The following KCNIP4 variants were observed in gnomAD, a reference collection of about 807,000 sequenced individuals.
The protein encoded by KCNIP4 is Kv channel-interacting protein 4.
A neutral mutation model predicts 34.0 loss-of-function variants in KCNIP4; 12 were observed. The ratio of observed to expected loss-of-function variants is 0.35; its 90% CI spans 0.23 to 0.57. KCNIP4 has a LOEUF of 0.57. Ranked by LOEUF, KCNIP4 falls within the 20% of genes least tolerant of loss-of-function variation. The pLI, the probability that KCNIP4 is intolerant of heterozygous loss-of-function variation, is 0.83. For synonymous variants in KCNIP4, 124 were observed against 102.2 expected (o/e 1.21, Z -1.29); for missense variants, 238 against 311.7 (o/e 0.76, Z 1.78).
At chr4:20,811,309 G>A (rs555600981) in intron 3 of KCNIP4, among the ~76,000 whole-genome samples, 3 of 152,270 alleles carry the variant, frequency 2.0e-5, no homozygotes, top group East Asian at 3.9e-4. Context: ...TATGGCCATG[G>A]CACCAAACTT....
chr4:21,915,332 G>C (rs1439752629), intron 1 of KCNIP4, among the ~76,000 whole-genome samples: 1 of 152,192 alleles, frequency 6.6e-6, no homozygotes, highest in Admixed American at 6.5e-5. Flanking sequence ...AGCATATAAA[G>C]AAGAGGACCT....
chr4:21,647,442 A>G (rs1181637842), intron 1 of KCNIP4, among the ~76,000 whole-genome samples: 1 of 152,164 alleles, frequency 6.6e-6, no homozygotes, highest in Non-Finnish European at 1.5e-5. Context: ...AGGGGTGGGC[A>G]CTGGCCATGG....
At chr4:21,257,321 T>C (rs1182921991) in intron 1 of KCNIP4, among the ~76,000 whole-genome samples, 1 of 152,188 alleles carries the variant, frequency 6.6e-6, no homozygotes, top group Non-Finnish European at 1.5e-5. Flanking sequence ...CATGTTTTGT[T>C]TCCCTATTTG....
chr4:21,006,575 T>C (rs1738572528), intron 1 of KCNIP4, among the ~76,000 whole-genome samples: 1 of 152,218 alleles, frequency 6.6e-6, no homozygotes, highest in African/African-American at 2.4e-5. Flanking sequence ...TATGATGTTG[T>C]TATACATCAA....
intron 1 of KCNIP4, among the ~76,000 whole-genome samples, chr4:21,270,119 TC>T (rs1762052305): frequency 6.6e-6 from 1 of 152,168 alleles, no homozygotes; most frequent in African/African-American, 2.4e-5. Flanking sequence ...CCGGGGAGTA[TC>T]ATAGGCTCAA....
chr4:21,893,040 A>G (rs1727193933), intron 1 of KCNIP4, among the ~76,000 whole-genome samples: 2 of 152,216 alleles, frequency 1.3e-5, no homozygotes, highest in African/African-American at 4.8e-5. Flanking sequence ...GCCAATCACA[A>G]GTTACAGACA....
intron 1 of KCNIP4, among the ~76,000 whole-genome samples, chr4:21,737,165 G>A (rs1481841341): frequency 6.6e-6 from 1 of 152,100 alleles, no homozygotes; most frequent in Non-Finnish European, 1.5e-5. Flanking sequence ...TCACCCTCGG[G>A]TGTAGTCATT....
At position 21,005,860 on chromosome 4, in the gene KCNIP4, C is replaced by A. The variant is rs111878672; in HGVS notation, c.62-123151G>T. 3.4e-4 allele frequency among the ~76,000 whole-genome samples: 51 copies of A among 152,236 alleles called. 1 individual carries two copies. The East Asian group carries it at 9.6e-3, about 29-fold the overall frequency. ...GCAGCATCTCTACCAGAGAGTATTA[C>A]GCAATTATTTTTATCCTAAAACATA... On this transcript the variant is annotated intron_variant, in intron 1 of 8. Transcript: ENST00000382152.
chr4:21,121,311 G>A (rs10029318), intron 1 of KCNIP4, among the ~76,000 whole-genome samples: 4,761 of 152,266 alleles, frequency 0.031, 230 homozygotes, highest in African/African-American at 0.11. Flanking sequence ...AGAAATTGCA[G>A]AGTAGTTATT....
chr4:21,207,622 A>G (rs1756935287), intron 1 of KCNIP4, among the ~76,000 whole-genome samples: 13 of 152,146 alleles, frequency 8.5e-5, no homozygotes, highest in Admixed American at 8.5e-4. Flanking sequence ...ATCAAAAAAC[A>G]TATGTCCCTT....
In KCNIP4 at chr4:20,866,509, A is replaced by T. The variant is rs182437158; in HGVS notation, c.164-15842T>A. Among the ~76,000 whole-genome samples, 4 of 152,188 alleles carry T rather than the reference A, an allele frequency of 2.6e-5. No homozygotes were observed. In the East Asian group the frequency reaches 7.7e-4, roughly 29 times the overall value. ...ACTAGGCATCTAAATAACATAGCTC[A>T]AAATAATAAGAGACATCTATGACAA... On this transcript the variant is annotated intron_variant, in intron 2 of 8. Coordinates refer to ENST00000382152, the MANE Select transcript of KCNIP4 (RefSeq NM_025221.6).
chr4:21,039,498 G>C (rs1450557413), intron 1 of KCNIP4, among the ~76,000 whole-genome samples: 1 of 151,924 alleles, frequency 6.6e-6, no homozygotes, highest in Admixed American at 6.6e-5. Context: ...CTACTTTATA[G>C]TACTCTATTT....
rs1452524106 is a variant in KCNIP4, at chr4:21,370,876, CACACACGTGT to C, written c.62-488177_62-488168del. ...ACACACACACACACACACACACACA[CACACACGTGT>C]GTGTGTGTGTGTGTGTATTAGCAGA... On this transcript the variant is annotated intron_variant, in intron 1 of 8. Transcript: ENST00000382152. Among the ~76,000 whole-genome samples, 31 of 71,674 alleles carry C rather than the reference CACACACGTGT, an allele frequency of 4.3e-4. 7 individuals are homozygous for C. Among genetic ancestry groups the C allele is most frequent in the African/African-American group, 2.0e-3 (30 of 14,910 alleles). The allele number at this position is 71,674 out of a possible 152,430, so 47.0% of individuals were successfully genotyped here. A position where few individuals can be genotyped will look rare whatever the true frequency, so the allele number is the denominator to read the frequency against.
intron 1 of KCNIP4, among the ~76,000 whole-genome samples, chr4:20,965,237 G>T (rs1417812130): frequency 6.6e-6 from 1 of 152,104 alleles, no homozygotes; most frequent in African/African-American, 2.4e-5. Context: ...TCTGGGAGTG[G>T]CCTCAAAATA....
At chr4:21,294,210 C>T (rs1172074843) in intron 1 of KCNIP4, among the ~76,000 whole-genome samples, 3 of 152,082 alleles carry the variant, frequency 2.0e-5, no homozygotes, top group Non-Finnish European at 4.4e-5. Context: ...AGCTCTGGAA[C>T]CTCTCTATTT....
rs567868866 is a variant in KCNIP4, at chr4:21,467,460, G to A, written c.61+481111C>T. Reference sequence around the variant, plus strand: ...CACCACAACTGTGTGGTTGACGCTGGAACTGTGGCAATGGAGCCACTTGAG... The same window carrying A: ...CACCACAACTGTGTGGTTGACGCTGAAACTGTGGCAATGGAGCCACTTGAG... On this transcript the variant is annotated intron_variant, in intron 1 of 8. Transcript: ENST00000382152. 2.2e-3 allele frequency among the ~76,000 whole-genome samples: 338 copies of A among 152,274 alleles called. 1 individual carries two copies. The highest frequency in any genetic ancestry group is 3.2e-3 in the Non-Finnish European group (218 of 68,028).
chr4:21,897,608 A>T (rs1463176340), intron 1 of KCNIP4, among the ~76,000 whole-genome samples: 2 of 152,186 alleles, frequency 1.3e-5, no homozygotes, highest in Non-Finnish European at 2.9e-5. Flanking sequence ...ACTTTAAAAA[A>T]CAAAAATAGG....
chr4:21,906,412 T>C (rs1286462212), intron 1 of KCNIP4, among the ~76,000 whole-genome samples: 1 of 152,128 alleles, frequency 6.6e-6, no homozygotes, highest in East Asian at 1.9e-4. Context: ...TGGCGTGATG[T>C]AGCCACAAGC....
chr4:21,513,222 T>C (rs1270299437), intron 1 of KCNIP4, among the ~76,000 whole-genome samples: 1 of 152,240 alleles, frequency 6.6e-6, no homozygotes, highest in Admixed American at 6.5e-5. Flanking sequence ...TGTCATTGTA[T>C]GATATGAGAA....
Sources: gnomAD v4.1 joint callset for allele counts (sites outside exome capture counted in the v4.1 genomes callset) on GRCh38, gnomAD v4.1.1 for gene constraint, MANE v1.5 for transcripts, NCBI Gene and HGNC (gene_info 2026-07-23, HGNC 2026-07-21) for gene names.